MEI1: variants seen among roughly 807,000 people sequenced by gnomAD.
MEI1 encodes meiosis inhibitor protein 1.
Under a neutral mutation model 146.2 loss-of-function variants are expected in MEI1, and 103 were observed. The observed-to-expected ratio is 0.70, with a 90% CI of 0.60 to 0.83. The LOEUF is 0.83. MEI1 is among the 40% of genes least tolerant of loss of function. The pLI, the probability that MEI1 is intolerant of heterozygous loss-of-function variation, is 0.00. For synonymous variants in MEI1, 652 were observed against 628.2 expected (o/e 1.04, Z -0.57); for missense variants, 1,529 against 1,533.0 (o/e 1.00, Z 0.04).
At chr22:41,761,016 G>T (rs2074452337) in intron 18 of MEI1, among the ~76,000 whole-genome samples, 1 of 152,038 alleles carries the variant, frequency 6.6e-6, no homozygotes, top group Non-Finnish European at 1.5e-5. Context: ...ATATGAGAGG[G>T]TCTGTCTCTT....
chr22:41,736,912 C>G (rs1478652636), intron 11 of MEI1, among the ~76,000 whole-genome samples: 1 of 152,172 alleles, frequency 6.6e-6, no homozygotes, highest in Non-Finnish European at 1.5e-5. Flanking sequence ...GTGCTTTATT[C>G]CAGAACCTTC....
chr22:41,703,248 AT>A, intron 1 of MEI1, 82 bp from the exon 2 acceptor site: 1 of 1,452,328 alleles, frequency 6.9e-7, no homozygotes, highest in Non-Finnish European at 9.4e-7. Flanking sequence ...TCATCTTGTA[AT>A]TGTATTTGGA....
chr22:41,783,256 A>AC (rs141573031), intron 24 of MEI1, among the ~76,000 whole-genome samples: 2,709 of 149,622 alleles, frequency 0.018, 34 homozygotes, highest in Non-Finnish European at 0.026. Flanking sequence ...CCCATATAAC[A>AC]CCCCCCCTCA....
intron 15 of MEI1, among the ~76,000 whole-genome samples, chr22:41,749,902 G>T (rs1255729773): frequency 6.6e-6 from 1 of 151,726 alleles, no homozygotes; most frequent in Non-Finnish European, 1.5e-5. Context: ...GGTTTGGGGG[G>T]GTCAGTAGAG....
chr22:41,731,390 C>G (rs2071849654), intron 9 of MEI1, among the ~76,000 whole-genome samples: 1 of 151,276 alleles, frequency 6.6e-6, no homozygotes, highest in Non-Finnish European at 1.5e-5. Context: ...GCTCTGTCAC[C>G]CAGGCTGGAG....
At chr22:41,748,910 C>T (rs2073535068) in intron 15 of MEI1, among the ~76,000 whole-genome samples, 1 of 151,866 alleles carries the variant, frequency 6.6e-6, no homozygotes, top group African/African-American at 2.4e-5. Context: ...TCATGCCATT[C>T]TCCTGTTTCA....
intron 19 of MEI1, among the ~76,000 whole-genome samples, chr22:41,766,285 C>T (rs2074850568): frequency 6.6e-6 from 1 of 151,932 alleles, no homozygotes; most frequent in African/African-American, 2.4e-5. Flanking sequence ...AATTATCCTG[C>T]CTCAGTGCCC....
intron 19 of MEI1, among the ~76,000 whole-genome samples, chr22:41,765,952 G>A (rs576911653): frequency 2.1e-5 from 3 of 142,940 alleles, no homozygotes; most frequent in Non-Finnish European, 3.0e-5. Context: ...GTGCAGTGGC[G>A]TGATCTCGGC....
At position 41,770,965 on chromosome 22, in the gene MEI1, G is replaced by A; in HGVS notation, c.2544+4G>A. On this transcript the variant is annotated splice_donor_region_variant and intron_variant, in intron 20 of 30. Coordinates refer to ENST00000401548, the MANE Select transcript of MEI1 (RefSeq NM_152513.4). ...CAGCATCCTGCTCATCTTGCTGGTA[G>A]GCAACCACTCATTCATTTCTACATT... The A allele has an allele frequency of 6.2e-7, 1 of 1,611,734 alleles. No homozygotes were observed. Among genetic ancestry groups the A allele is most frequent in the Non-Finnish European group, 8.5e-7 (1 of 1,178,614 alleles).
rs141885841 is a variant in MEI1 at position 41,755,288 on chromosome 22, T to C, written c.1951+1242T>C. Among the ~76,000 whole-genome samples, 9 of 152,276 alleles carry C rather than the reference T, an allele frequency of 5.9e-5. No homozygotes were observed. The East Asian group carries it at 9.6e-4, about 16-fold the overall frequency. On this transcript the variant is annotated intron_variant, in intron 17 of 30. Transcript: ENST00000401548. ...CTAGTTCTGGCTCTTTTCCCCCTTA[T>C]TATATTTGTGAAGATTCTGTGTCCT...
At chr22:41,741,013 C>T (rs1003065693) in intron 11 of MEI1, among the ~76,000 whole-genome samples, 7 of 152,100 alleles carry the variant, frequency 4.6e-5, no homozygotes, top group Non-Finnish European at 7.4e-5. Flanking sequence ...CTGGTTCAAG[C>T]GATTCTCCTG....
chr22:41,797,257 G>A (rs2076395204), intron 30 of MEI1, among the ~76,000 whole-genome samples: 1 of 151,954 alleles, frequency 6.6e-6, no homozygotes, highest in Non-Finnish European at 1.5e-5. Context: ...CCAAGTGCTG[G>A]GATTACAGGC....
At chr22:41,790,301 C>T (rs2076131878) in intron 26 of MEI1, among the ~76,000 whole-genome samples, 1 of 152,110 alleles carries the variant, frequency 6.6e-6, no homozygotes, top group Admixed American at 6.6e-5. Flanking sequence ...CCAGGTTGGT[C>T]TCAAAACTCC....
intron 2 of MEI1, among the ~76,000 whole-genome samples, chr22:41,704,701 A>T (rs1411333658): frequency 6.6e-6 from 1 of 152,076 alleles, no homozygotes; most frequent in Non-Finnish European, 1.5e-5. Context: ...GGCATGAGCC[A>T]CTGCACCCTG....
chr22:41,793,410 T>G (rs2076260710), intron 26 of MEI1, among the ~76,000 whole-genome samples: 1 of 152,118 alleles, frequency 6.6e-6, no homozygotes, highest in Non-Finnish European at 1.5e-5. Context: ...CAATCGATTC[T>G]CCTGCCTCAA....
intron 20 of MEI1, among the ~76,000 whole-genome samples, chr22:41,773,135 C>G (rs1326525870): frequency 6.6e-6 from 1 of 152,166 alleles, no homozygotes; most frequent in Non-Finnish European, 1.5e-5. Context: ...ATCCTGGTGA[C>G]CCAGTCCTTG....
intron 14 of MEI1, 33 bp downstream of exon 14, chr22:41,746,059 C>T: frequency 6.5e-7 from 1 of 1,542,616 alleles, no homozygotes; most frequent in East Asian, 2.4e-5. Context: ...CAACATGAAG[C>T]TTGGGGAAGA....
chr22:41,754,419 TCTTTTTC>T (rs1451880167), intron 17 of MEI1, among the ~76,000 whole-genome samples: 1 of 112,308 alleles, frequency 8.9e-6, no homozygotes, highest in African/African-American at 1.5e-4. Context: ...GTTTCTTTTT[TCTTTTTC>T]TTTTTCTTTT....
At position 41,741,260 on chromosome 22, in the gene MEI1, C is replaced by T. The variant is rs546055507; in HGVS notation, c.1332-1820C>T. Among the ~76,000 whole-genome samples the T allele has an allele frequency of 2.2e-4, 33 of 152,132 alleles. 1 individual carries two copies. The highest frequency in any genetic ancestry group is 2.2e-3 in the Admixed American group (33 of 15,270). On this transcript the variant is annotated intron_variant, in intron 11 of 30. Transcript: ENST00000401548. Reference sequence around the variant, plus strand: ...CACCTCAATTTCAGATTTCTAGCCTCCAGAACTGTGAGAGGATAAACTTCT... The same window carrying T: ...CACCTCAATTTCAGATTTCTAGCCTTCAGAACTGTGAGAGGATAAACTTCT...
Sources: gnomAD v4.1 joint callset for allele counts (sites outside exome capture counted in the v4.1 genomes callset) on GRCh38, gnomAD v4.1.1 for gene constraint, MANE v1.5 for transcripts, NCBI Gene and HGNC (gene_info 2026-07-23, HGNC 2026-07-21) for gene names.